AP1B1: variants seen among roughly 807,000 people sequenced by gnomAD.
AP1B1 encodes the protein AP-1 complex subunit beta-1.
A neutral mutation model predicts 104.3 loss-of-function variants in AP1B1; 36 were observed. The ratio of observed to expected loss-of-function variants is 0.35; its 90% confidence interval spans 0.26 to 0.46. AP1B1 has a LOEUF of 0.46. Ranked by LOEUF, AP1B1 falls within the 20% of genes least tolerant of loss-of-function variation. The pLI, the probability that AP1B1 is intolerant of heterozygous loss-of-function variation, is 1.00. For synonymous variants in AP1B1, 504 were observed against 517.5 expected, an observed-to-expected ratio of 0.97 and a Z score of 0.35; for missense variants, 901 against 1,247.9, an observed-to-expected ratio of 0.72 and a Z score of 4.19.
chr22:29,330,551 G>GT lies in AP1B1; in HGVS notation c.2612-20dup, dbSNP rs2061541600. Reference sequence around the variant, plus strand: ...GCAGCCTCTGTGGGGTCACATGGCCGTGAGAGGCCCCAGTCAGCGCGGGGG... The same window carrying GT: ...GCAGCCTCTGTGGGGTCACATGGCCGTTGAGAGGCCCCAGTCAGCGCGGGGG... On this transcript the variant is annotated intron_variant, in intron 20 of 22. Transcript: ENST00000357586. 6.2e-7 allele frequency: 1 copy of GT among 1,609,802 alleles called. No homozygotes were observed. Among genetic ancestry groups the GT allele is most frequent in the Non-Finnish European group, 8.5e-7 (1 of 1,176,710 alleles).
chr22:29,335,713 C>T (rs923941490), intron 16 of AP1B1, among the ~76,000 whole-genome samples: 1 of 152,210 alleles, frequency 6.6e-6, no homozygotes, highest in African/African-American at 2.4e-5. Context: ...GCCTGGTGCC[C>T]ATCTGCTCCC....
At chr22:29,380,755 C>A (rs549413340) in intron 1 of AP1B1, among the ~76,000 whole-genome samples, 8 of 152,306 alleles carry the variant, frequency 5.3e-5, no homozygotes, top group African/African-American at 1.9e-4. Context: ...ATTTAGAGTG[C>A]TAACAAAGCT....
chr22:29,353,542 G>C (rs1290366098), intron 7 of AP1B1, among the ~76,000 whole-genome samples: 1 of 152,178 alleles, frequency 6.6e-6, no homozygotes, highest in African/African-American at 2.4e-5. Flanking sequence ...GGCGTATAAA[G>C]ACCCACACTG....
At chr22:29,337,987 C>T (rs111613546) in intron 16 of AP1B1, among the ~76,000 whole-genome samples, 5,146 of 152,318 alleles carry the variant, frequency 0.034, 269 homozygotes, top group African/African-American at 0.12. Flanking sequence ...AGAAGAAACG[C>T]TCAGCCTGGC....
At position 29,330,681 on chromosome 22, in the gene AP1B1, C is replaced by A; in HGVS notation, c.2553G>T (p.Lys851Asn). ...GGGCCTCATTCTCATTGGGAATATC[C>A]TTCCATGTGGCCAGGAACATCTGCC... is the stretch of plus-strand genomic sequence containing the variant. ...MDRQMFLATWKDIPNENEAQF... is the reference protein window; with the variant it reads ...MDRQMFLATWNDIPNENEAQF... The change falls in exon 20 of 23, where the codon AAG becomes AAT. Residue 851 changes from lysine to asparagine, a missense_variant. By Grantham distance (94) the Lys-to-Asn change is moderately conservative (BLOSUM62 0). This residue lies in a region of AP1B1 where 424 missense variants were observed against 494.0 expected (regional missense o/e 0.86). Coordinates refer to ENST00000357586, the MANE Select transcript of AP1B1 (RefSeq NM_001127.4). 6.2e-7 allele frequency: 1 copy of A among 1,613,638 alleles called. No individual in the cohort carries two copies.
At chr22:29,375,327 G>C (rs553978344) in intron 1 of AP1B1, among the ~76,000 whole-genome samples, 1 of 130,190 alleles carries the variant, frequency 7.7e-6, no homozygotes, top group African/African-American at 2.9e-5. Context: ...TCCAGCCTGC[G>C]TGACAGAGTG....
intron 1 of AP1B1, among the ~76,000 whole-genome samples, chr22:29,383,461 A>AGCACTTTGG (rs1345139315): frequency 1.3e-5 from 2 of 152,182 alleles, no homozygotes; most frequent in Non-Finnish European, 2.9e-5. Flanking sequence ...CTGTAATCCC[A>AGCACTTTGG]GCACTTTGGG....
intron 9 of AP1B1, 29 bp from the exon 10 acceptor site, chr22:29,350,179 G>A (rs767591329): frequency 1.3e-6 from 2 of 1,583,184 alleles, no homozygotes; most frequent in East Asian, 4.5e-5. Context: ...GTGTGGGCGA[G>A]GTCCCCGCAC....
chr22:29,332,001 G>C, intron 17 of AP1B1, 85 bp from the exon 18 acceptor site: 1 of 1,367,156 alleles, frequency 7.3e-7, no homozygotes, highest in South Asian at 1.4e-5. Context: ...CGGGAGCTGG[G>C]GCTGTGGTTG....
chr22:29,372,424 CAAAAA>C (rs695265), intron 1 of AP1B1, among the ~76,000 whole-genome samples: 2 of 53,332 alleles, frequency 3.8e-5, no homozygotes, highest in Non-Finnish European at 4.1e-5. Flanking sequence ...AACTGGGTCT[CAAAAA>C]AAAAAAAAAA....
At chr22:29,354,962 G>A (rs980647653) in intron 6 of AP1B1, 91 bp from the exon 7 acceptor site, 76 of 1,196,818 alleles carry the variant, frequency 6.4e-5, no homozygotes, top group Non-Finnish European at 7.8e-5. Context: ...CAGGCCAGGC[G>A]TGATAGTTCA....
intron 1 of AP1B1, among the ~76,000 whole-genome samples, chr22:29,385,896 G>C (rs919880001): frequency 6.6e-6 from 1 of 152,170 alleles, no homozygotes; most frequent in Non-Finnish European, 1.5e-5. Context: ...GAGTTTCAGA[G>C]GATGACTAGA....
At chr22:29,359,603 G>A in intron 4 of AP1B1, 1 of 493,344 alleles carries the variant, frequency 2.0e-6, no homozygotes, top group South Asian at 3.7e-5. Context: ...CAACAGGCCT[G>A]GCAGGACCTC....
chr22:29,354,645 A>G lies in AP1B1; in HGVS notation c.938+5T>C, dbSNP rs373904434. ...GCATGGACGTGCGTGTGGTGACCTC[A>G]GTACCTTTTCTGCACGATGAGATTG... On this transcript the variant is annotated splice_donor_5th_base_variant and intron_variant, in intron 7 of 22. Transcript: ENST00000357586. The G allele has an allele frequency of 1.2e-6, 2 of 1,613,916 alleles. No individual in the cohort carries two copies. Among genetic ancestry groups the G allele is most frequent in the Non-Finnish European group, 1.7e-6 (2 of 1,179,884 alleles).
chr22:29,331,535 T>G lies in AP1B1; in HGVS notation c.2440-2A>C, dbSNP rs2061557450. On this transcript the variant is annotated splice_acceptor_variant, in intron 18 of 22. Coordinates refer to ENST00000357586, the MANE Select transcript of AP1B1 (RefSeq NM_001127.4). LOFTEE classifies it high-confidence loss of function. ...ATCGATGTTGTTCTTCACGGCCACC[T>G]AGGCACAAGGGGGTCCCCAGTCAGT... 4 of 1,614,164 alleles carry G rather than the reference T, an allele frequency of 2.5e-6. No individual in the cohort carries two copies. Among genetic ancestry groups the G allele is most frequent in the African/African-American group, 1.3e-5 (1 of 75,052 alleles).
chr22:29,330,315 C>T lies in AP1B1; in HGVS notation c.2766+63G>A, dbSNP rs565829097. Reference sequence around the variant, plus strand: ...CTTGGACCGCGTCCTCCACCAGGGCCACCCCCTGGCATGGGACGAAGGGGA... The same window carrying T: ...CTTGGACCGCGTCCTCCACCAGGGCTACCCCCTGGCATGGGACGAAGGGGA... On this transcript the variant is annotated intron_variant, in intron 21 of 22. Transcript: ENST00000357586. 3.7e-6 allele frequency: 6 copies of T among 1,601,910 alleles called. No individual in the cohort carries two copies. In the Admixed American group the frequency reaches 1.0e-4, roughly 27 times the overall value.
At chr22:29,341,943 C>T (rs1163596735) in intron 12 of AP1B1, among the ~76,000 whole-genome samples, 183 bp from the exon 13 acceptor site, 1 of 152,212 alleles carries the variant, frequency 6.6e-6, no homozygotes. Context: ...GGGCTCATTC[C>T]CCATGGTACT....
At chr22:29,351,642 A>G (rs2061876288) in intron 8 of AP1B1, 63 bp downstream of exon 8, 1 of 1,590,584 alleles carries the variant, frequency 6.3e-7, no homozygotes, top group Non-Finnish European at 8.6e-7. Flanking sequence ...CAGAGCCTAC[A>G]GTCTGGTGGT....
intron 12 of AP1B1, 64 bp downstream of exon 12, chr22:29,342,221 G>T: frequency 1.4e-6 from 2 of 1,397,442 alleles, no homozygotes; most frequent in Non-Finnish European, 2.0e-6. Context: ...TAGTTCCTGG[G>T]ACAAAAGTTC....
Sources: gnomAD v4.1 joint callset for allele counts (sites outside exome capture counted in the v4.1 genomes callset) on GRCh38, gnomAD v4.1.1 for gene constraint, gnomAD v4.1.1 regional missense constraint, MANE v1.5 for transcripts, NCBI Gene and HGNC (gene_info 2026-07-23, HGNC 2026-07-21) for gene names.